The following NME5 variants were observed in gnomAD, a reference collection of about 807,000 sequenced individuals.
The protein encoded by NME5 is nucleoside diphosphate kinase 5.
In NME5, 18 loss-of-function variants were observed where a neutral mutation model predicts 21.6. That is an observed-to-expected ratio of 0.83 (90% CI 0.58 to 1.24). NME5 has a LOEUF of 1.24. Among genes scored for constraint, NME5 ranks in the 50% most tolerant of loss-of-function variants. The pLI, the probability that NME5 is intolerant of heterozygous loss-of-function variation, is 0.00. For synonymous variants in NME5, 70 were observed against 80.6 expected (o/e 0.87, Z 0.71); for missense variants, 223 against 255.4 (o/e 0.87, Z 0.86).
At chr5:138,138,578 G>A (rs958959581) in intron 2 of NME5, 74 bp downstream of exon 2, 14 of 1,311,462 alleles carry the variant, frequency 1.1e-5, no homozygotes, top group Non-Finnish European at 1.5e-5. Flanking sequence ...TAAATGGGTA[G>A]GCACATTTAC....
intron 4 of NME5, among the ~76,000 whole-genome samples, chr5:138,128,223 T>A (rs1581382013): frequency 6.6e-6 from 1 of 152,238 alleles, no homozygotes; most frequent in Non-Finnish European, 1.5e-5. Context: ...TAAATTTTTT[T>A]AATGTTAAAA....
rs1272129383 is a variant in NME5, at chr5:138,139,371, C to T, written c.-6G>A. On this transcript the variant is annotated splice_region_variant and 5_prime_UTR_variant, in exon 1 of 6. Transcript: ENST00000265191. Reference sequence around the variant, plus strand: ...AATTTGACCCTCTCTAAGTACTCACCTCAGCGGCCGTCCTCATATGGTACA... The same window carrying T: ...AATTTGACCCTCTCTAAGTACTCACTTCAGCGGCCGTCCTCATATGGTACA... 2 of 985,598 alleles carry T rather than the reference C, an allele frequency of 2.0e-6. No homozygotes were observed. The highest frequency in any genetic ancestry group is 1.7e-5 in the African/African-American group (1 of 57,232). The allele number at this position is 985,598 out of a possible 1,614,324, so 61.1% of individuals were successfully genotyped here. A position where few individuals can be genotyped will look rare whatever the true frequency, so the allele number is the denominator to read the frequency against.
At chr5:138,132,389 A>G (rs1277026487) in intron 2 of NME5, among the ~76,000 whole-genome samples, 1 of 152,100 alleles carries the variant, frequency 6.6e-6, no homozygotes, top group Non-Finnish European at 1.5e-5. Flanking sequence ...TGTTTTTTCA[A>G]TTCCACTAAA....
At chr5:138,119,217 AT>A (rs756844571) in intron 4 of NME5, among the ~76,000 whole-genome samples, 21 of 147,372 alleles carry the variant, frequency 1.4e-4, no homozygotes, top group Non-Finnish European at 2.7e-4. Context: ...ATTTATTTTT[AT>A]TTTTTGAGAC....
intron 2 of NME5, among the ~76,000 whole-genome samples, chr5:138,137,700 A>G (rs1197183558): frequency 6.6e-6 from 1 of 151,410 alleles, no homozygotes; most frequent in African/African-American, 2.4e-5. Flanking sequence ...GGAAGTTCGA[A>G]TGAGAATACT....
intron 2 of NME5, among the ~76,000 whole-genome samples, chr5:138,129,969 A>C (rs1210333299): frequency 6.6e-6 from 1 of 152,212 alleles, no homozygotes; most frequent in African/African-American, 2.4e-5. Flanking sequence ...CCAGTTAGGA[A>C]GCCTCCCTCA....
intron 5 of NME5, among the ~76,000 whole-genome samples, chr5:138,118,129 A>G (rs1228636450): frequency 6.6e-6 from 1 of 152,068 alleles, no homozygotes; most frequent in African/African-American, 2.4e-5. Context: ...TCATTTATTT[A>G]CTTATTTATT....
intron 4 of NME5, among the ~76,000 whole-genome samples, chr5:138,119,659 T>C (rs1487852669): frequency 8.4e-6 from 1 of 118,544 alleles, no homozygotes; most frequent in Non-Finnish European, 1.9e-5. Flanking sequence ...TTTCTTTTCT[T>C]TATTTTTTTT....
chr5:138,128,722 A>C lies in NME5; in HGVS notation c.336-143T>G, dbSNP rs1028347701. On this transcript the variant is annotated intron_variant, in intron 3 of 5. Transcript: ENST00000265191. ...CACAATTTATGTCAAATTTAAGCTTAAATTTAAGCTTATCTATCTAGATAA... is the reference window on the plus strand; with the variant it reads ...CACAATTTATGTCAAATTTAAGCTTCAATTTAAGCTTATCTATCTAGATAA... The C allele has an allele frequency of 5.8e-5, 33 of 573,154 alleles. No homozygotes were observed. The African/African-American group carries it at 5.9e-4, about 10-fold the overall frequency. The allele number at this position is 573,154 out of a possible 1,614,324, so 35.5% of individuals were successfully genotyped here.
intron 3 of NME5, 153 bp from the exon 4 acceptor site, chr5:138,128,732 TTATC>T (rs1327646768): frequency 5.4e-6 from 3 of 559,230 alleles, no homozygotes; most frequent in East Asian, 3.0e-5. Context: ...AAATTTAAGC[TTATC>T]TATCTAGATA....
chr5:138,136,833 G>T (rs566449206), intron 2 of NME5, among the ~76,000 whole-genome samples: 88 of 151,846 alleles, frequency 5.8e-4, no homozygotes, highest in African/African-American at 2.0e-3. Flanking sequence ...AGTAGAGATG[G>T]GGTTTCTCCA....
intron 1 of NME5, 166 bp from the exon 2 acceptor site, chr5:138,138,951 T>C (rs1049753258): frequency 4.2e-5 from 26 of 625,730 alleles, no homozygotes; most frequent in Non-Finnish European, 5.4e-5. Context: ...TTTTTCTATA[T>C]ACAGGGTCTC....
chr5:138,124,678 C>T (rs561200186), intron 4 of NME5, among the ~76,000 whole-genome samples: 2 of 151,986 alleles, frequency 1.3e-5, no homozygotes, highest in East Asian at 1.9e-4. Flanking sequence ...ACACCACCAC[C>T]CCCAGCTAAT....
intron 2 of NME5, among the ~76,000 whole-genome samples, chr5:138,136,990 T>C (rs1161672096): frequency 6.9e-6 from 1 of 144,898 alleles, no homozygotes; most frequent in Non-Finnish European, 1.5e-5. Flanking sequence ...TCCTAGACCT[T>C]AAGTCATAAC....
chr5:138,126,804 C>T (rs928212661), intron 4 of NME5, among the ~76,000 whole-genome samples: 1 of 151,664 alleles, frequency 6.6e-6, no homozygotes, highest in Non-Finnish European at 1.5e-5. Context: ...AAAAATTAGC[C>T]GGGCGTGGTG....
chr5:138,138,784 G>A lies in NME5; in HGVS notation c.-4C>T. 1 of 1,598,970 alleles carries A rather than the reference G, an allele frequency of 6.3e-7. No individual in the cohort carries two copies. The highest frequency in any genetic ancestry group is 8.5e-7 in the Non-Finnish European group (1 of 1,176,058). Reference sequence around the variant, plus strand: ...GTGGAGGCATTGATATCTCCATTATGGCTTTTCAGGGCACAAATTAAGAGT... The same window carrying A: ...GTGGAGGCATTGATATCTCCATTATAGCTTTTCAGGGCACAAATTAAGAGT... On this transcript the variant is annotated splice_region_variant and 5_prime_UTR_variant, in exon 2 of 6. Coordinates refer to ENST00000265191, the MANE Select transcript of NME5 (RefSeq NM_003551.3).
At chr5:138,128,935 C>T (rs1289009997) in intron 3 of NME5, among the ~76,000 whole-genome samples, 1 of 152,104 alleles carries the variant, frequency 6.6e-6, no homozygotes, top group African/African-American at 2.4e-5. Flanking sequence ...TCCTGTATTA[C>T]CATTATTCTT....
chr5:138,134,933 G>A (rs1466061762), intron 2 of NME5, among the ~76,000 whole-genome samples: 1 of 148,088 alleles, frequency 6.8e-6, no homozygotes, highest in Non-Finnish European at 1.5e-5. Context: ...TCAATCTCCT[G>A]ACCTTGTGAT....
At chr5:138,123,560 C>T (rs939597707) in intron 4 of NME5, among the ~76,000 whole-genome samples, 4 of 152,130 alleles carry the variant, frequency 2.6e-5, no homozygotes, top group African/African-American at 9.7e-5. Context: ...CTTTTTAAGG[C>T]TGAATAGTAT....
Sources: allele counts gnomAD v4.1 joint callset (sites outside exome capture counted in the v4.1 genomes callset), GRCh38; gene constraint gnomAD v4.1.1; transcripts MANE v1.5; gene names NCBI Gene and HGNC (gene_info 2026-07-23, HGNC 2026-07-21).